The following GPD1L variants were observed in gnomAD, a reference collection of about 807,000 sequenced individuals.
GPD1L encodes the protein glycerol-3-phosphate dehydrogenase 1-like protein.
GPD1L carries 17 observed loss-of-function variants against 32.9 expected under a neutral mutation model. The observed-to-expected ratio is 0.52, with a 90% CI of 0.35 to 0.78. The LOEUF is 0.78. Ranked by LOEUF, GPD1L falls within the 30% of genes least tolerant of loss-of-function variation. The pLI, the probability that GPD1L is intolerant of heterozygous loss-of-function variation, is 0.01. For missense variants in GPD1L, 361 were observed against 447.8 expected (o/e 0.81, Z 1.75); for synonymous variants, 187 against 165.9 (o/e 1.13, Z -0.98).
rs552423616 is a variant in GPD1L, at chr3:32,167,417, G to A, written c.*1507G>A. On this transcript the variant is annotated 3_prime_UTR_variant, in exon 8 of 8. Coordinates refer to ENST00000282541, the MANE Select transcript of GPD1L (RefSeq NM_015141.4). Reference sequence around the variant, plus strand: ...CTCAAGTAGACCCTTCACTCCCTGCGAGAAATTAGGATGAATAACTACCTG... The same window carrying A: ...CTCAAGTAGACCCTTCACTCCCTGCAAGAAATTAGGATGAATAACTACCTG... 1 of 152,752 alleles carries A rather than the reference G, an allele frequency of 6.5e-6. No homozygotes were observed. The highest frequency in any genetic ancestry group is 2.1e-4 in the South Asian group (1 of 4,832). 9.5% of individuals were successfully genotyped at this position (152,752 alleles called of 1,614,324 possible). A position where few individuals can be genotyped will look rare whatever the true frequency, so the allele number is the denominator to read the frequency against.
intron 1 of GPD1L, among the ~76,000 whole-genome samples, chr3:32,120,864 A>T (rs1367353037): frequency 2.0e-5 from 3 of 152,214 alleles, no homozygotes. Context: ...GCCTAATTAA[A>T]TACTACACCT....
At chr3:32,156,113 G>A (rs774516029) in intron 5 of GPD1L, among the ~76,000 whole-genome samples, 3 of 151,572 alleles carry the variant, frequency 2.0e-5, no homozygotes, top group African/African-American at 4.9e-5. Context: ...GATCGCACCC[G>A]ACCCCCCAGC....
Position 32,140,192 on chromosome 3 carries a change from G to A in GPD1L, c.367-36G>A, listed in dbSNP as rs72546656. Reference sequence around the variant, plus strand: ...CTATCCCATGCCTCTTTGATTTGGCGGTTTGTTCTCTCCTAACTTCTTGGC... The same window carrying A: ...CTATCCCATGCCTCTTTGATTTGGCAGTTTGTTCTCTCCTAACTTCTTGGC... On this transcript the variant is annotated intron_variant, in intron 3 of 7. Coordinates refer to ENST00000282541, the MANE Select transcript of GPD1L (RefSeq NM_015141.4). The A allele has an allele frequency of 0.016, 26,063 of 1,612,610 alleles. 2,335 individuals are homozygous for A. The East Asian group carries it at 0.25, about 15-fold the overall frequency.
intron 1 of GPD1L, among the ~76,000 whole-genome samples, chr3:32,110,632 A>G (rs1700232510): frequency 6.6e-6 from 1 of 152,234 alleles, no homozygotes; most frequent in Non-Finnish European, 1.5e-5. Flanking sequence ...GTTGTATAAC[A>G]TGCCCTTGTC....
intron 1 of GPD1L, among the ~76,000 whole-genome samples, chr3:32,109,919 T>C (rs1280098995): frequency 1.3e-5 from 2 of 152,226 alleles, no homozygotes; most frequent in Non-Finnish European, 2.9e-5. Flanking sequence ...TTTTGTTTGT[T>C]TGTTTTTGTT....
chr3:32,109,325 C>T (rs78421595), intron 1 of GPD1L, among the ~76,000 whole-genome samples: 3,985 of 152,288 alleles, frequency 0.026, 168 homozygotes, highest in African/African-American at 0.09. Flanking sequence ...ACAAGTAGCA[C>T]AGCTCTGCCA....
chr3:32,124,055 A>ATTTCTTTCTTTC lies in GPD1L; in HGVS notation c.48-4009_48-3998dup, dbSNP rs141706769. Among the ~76,000 whole-genome samples the ATTTCTTTCTTTC allele has an allele frequency of 1.9e-4, 29 of 151,564 alleles. 1 individual carries two copies. In the East Asian group the frequency reaches 4.5e-3, roughly 24 times the overall value. On this transcript the variant is annotated intron_variant, in intron 1 of 7. Transcript: ENST00000282541. ...GACTGGCCTTCTGTTGGCCAGTCAC[A>ATTTCTTTCTTTC]TTTCTTTCTTTCTTTCTTTCTTTTT...
chr3:32,120,295 C>T (rs184362210), intron 1 of GPD1L, among the ~76,000 whole-genome samples: 18 of 151,714 alleles, frequency 1.2e-4, no homozygotes, highest in African/African-American at 3.4e-4. Flanking sequence ...TCCAGCCTGG[C>T]GACAGAGTGA....
At position 32,166,415 on chromosome 3, in the gene GPD1L, T is replaced by C. The variant is rs6788436; in HGVS notation, c.*505T>C. The C allele has an allele frequency of 0.39, 66,253 of 170,020 alleles. 14,202 individuals carry two copies. The highest frequency in any genetic ancestry group is 0.6 in the East Asian group (3,434 of 5,744). 10.5% of individuals were successfully genotyped at this position (170,020 alleles called of 1,614,324 possible). On this transcript the variant is annotated 3_prime_UTR_variant, in exon 8 of 8. Transcript: ENST00000282541. Reference sequence around the variant, plus strand: ...AAGCCAGCATAATTAACTACTTTGATTGTGGGCTGACCTTTGTTTTTTTAA... The same window carrying C: ...AAGCCAGCATAATTAACTACTTTGACTGTGGGCTGACCTTTGTTTTTTTAA...
intron 7 of GPD1L, among the ~76,000 whole-genome samples, chr3:32,160,223 G>A (rs1480729984): frequency 6.7e-6 from 1 of 148,472 alleles, no homozygotes; most frequent in Non-Finnish European, 1.5e-5. Context: ...TGGGTGGGTT[G>A]GCAGGTGGGA....
chr3:32,140,437 T>A, intron 4 of GPD1L, 71 bp downstream of exon 4: 1 of 1,518,684 alleles, frequency 6.6e-7, no homozygotes, highest in South Asian at 1.1e-5. Flanking sequence ...ATTCCATTTC[T>A]GATATTTTCT....
intron 4 of GPD1L, among the ~76,000 whole-genome samples, chr3:32,144,002 T>C (rs1401927236): frequency 6.6e-6 from 1 of 152,052 alleles, no homozygotes; most frequent in East Asian, 1.9e-4. Context: ...AAAGGAGACA[T>C]GAGCACTATG....
chr3:32,167,323 G>A lies in GPD1L; in HGVS notation c.*1413G>A, dbSNP rs1423301489. ...AGTCCCAAACACATTACACTGAAGA[G>A]ATTTTGGTGAGGAAACTTGCTGGAG... On this transcript the variant is annotated 3_prime_UTR_variant, in exon 8 of 8. Coordinates refer to ENST00000282541, the MANE Select transcript of GPD1L (RefSeq NM_015141.4). 1 of 152,334 alleles carries A rather than the reference G, an allele frequency of 6.6e-6. No individual in the cohort carries two copies. Among genetic ancestry groups the A allele is most frequent in the East Asian group, 1.9e-4 (1 of 5,206 alleles). 9.4% of individuals were successfully genotyped at this position (152,334 alleles called of 1,614,324 possible).
chr3:32,130,125 C>T lies in GPD1L; in HGVS notation c.225+1872C>T, dbSNP rs78417940. The stretch of plus-strand genomic sequence containing the variant: ...CTGAGTGGTTCTGTGAAGCTGGAGC[C>T]TGTGCTGCGAACAGGGAGAGTGGGA... On this transcript the variant is annotated intron_variant, in intron 2 of 7. Transcript: ENST00000282541. Among the ~76,000 whole-genome samples the T allele has an allele frequency of 0.025, 3,734 of 152,108 alleles. 312 individuals carry two copies. In the East Asian group the frequency reaches 0.26, roughly 11 times the overall value.
At chr3:32,151,722 A>G (rs7632453) in intron 5 of GPD1L, 9,705 of 158,914 alleles carry the variant, frequency 0.061, 554 homozygotes, top group African/African-American at 0.15. Flanking sequence ...CAAGTGATCC[A>G]TCAGCCTTGG....
rs148992487 is a variant in GPD1L, at chr3:32,147,195, A to G, written c.618+461A>G. 4.0e-3 allele frequency among the ~76,000 whole-genome samples: 524 copies of G among 132,278 alleles called. 3 individuals are homozygous for G. Among genetic ancestry groups the G allele is most frequent in the African/African-American group, 0.016 (495 of 31,154 alleles). The allele number at this position is 132,278 out of a possible 152,430, so 86.8% of individuals were successfully genotyped here. ...TGCTGGTAGAGGTTTTTCTAAGAAT[A>G]GTTTTGTCTTTGCCCTCAAGAGAGA... is the stretch of plus-strand genomic sequence containing the variant. On this transcript the variant is annotated intron_variant, in intron 5 of 7. Transcript: ENST00000282541.
intron 1 of GPD1L, among the ~76,000 whole-genome samples, chr3:32,124,365 C>T (rs1256371054): frequency 6.6e-6 from 1 of 152,310 alleles, no homozygotes. Context: ...ACCCCCGGCC[C>T]ATTTCTTTAG....
chr3:32,130,780 AG>A (rs1379763417), intron 2 of GPD1L, among the ~76,000 whole-genome samples: 6 of 152,098 alleles, frequency 3.9e-5, no homozygotes, highest in African/African-American at 1.4e-4. Context: ...TGGGAGGCTG[AG>A]GGGGGCGGAT....
intron 2 of GPD1L, among the ~76,000 whole-genome samples, chr3:32,137,142 G>GT (rs1295645164): frequency 1.3e-5 from 2 of 152,204 alleles, no homozygotes; most frequent in African/African-American, 2.4e-5. Context: ...TGATGTTCCT[G>GT]TGACAGACAC....
Sources: allele counts gnomAD v4.1 joint callset (sites outside exome capture counted in the v4.1 genomes callset), GRCh38; gene constraint gnomAD v4.1.1; transcripts MANE v1.5; gene names NCBI Gene and HGNC (gene_info 2026-07-23, HGNC 2026-07-21).